The following PLEKHG3 variants were observed in gnomAD, a reference collection of about 807,000 sequenced individuals.
PLEKHG3 encodes the protein pleckstrin homology domain-containing family G member 3.
Under a neutral mutation model 94.9 loss-of-function variants are expected in PLEKHG3, and 62 were observed. The ratio of observed to expected loss-of-function variants is 0.65; its 90% CI spans 0.53 to 0.81. PLEKHG3 has a LOEUF of 0.81. Ranked by LOEUF, PLEKHG3 falls within the 30% of genes least tolerant of loss-of-function variation. PLEKHG3 has a pLI of 0.00. For synonymous variants in PLEKHG3, 614 were observed against 654.0 expected, an observed-to-expected ratio of 0.94 and a Z score of 0.93; for missense variants, 1,461 against 1,619.3, an observed-to-expected ratio of 0.90 and a Z score of 1.68.
Position 64,727,578 on chromosome 14 carries a change from T to C in PLEKHG3, c.-39-15T>C, listed in dbSNP as rs73273525. The stretch of plus-strand genomic sequence containing the variant: ...CATTCAGAGGTTGACCCTTCATCTG[T>C]CTGTCTTGTTGCAGAATCTCCCTGG... On this transcript the variant is annotated splice_polypyrimidine_tract_variant and intron_variant, in intron 1 of 16. Transcript: ENST00000247226. The surrounding 1 kb of genome is among the most constrained non-coding windows in gnomAD (Gnocchi z 6.0). 96 of 1,008,528 alleles carry C rather than the reference T, an allele frequency of 9.5e-5. No homozygotes were observed. In the African/African-American group the frequency reaches 1.3e-3, roughly 14 times the overall value. 62.5% of individuals were successfully genotyped at this position (1,008,528 alleles called of 1,614,324 possible). A position where few individuals can be genotyped will look rare whatever the true frequency, so the allele number is the denominator to read the frequency against.
rs1440163128 is a variant in PLEKHG3 at position 64,746,218 on chromosome 14, G to A, written c.*2515G>A. 1 of 152,220 alleles carries A rather than the reference G, an allele frequency of 6.6e-6. No individual in the cohort carries two copies. The highest frequency in any genetic ancestry group is 1.5e-5 in the Non-Finnish European group (1 of 68,032). 9.4% of individuals were successfully genotyped at this position (152,220 alleles called of 1,614,324 possible). ...CTGGCTGTCCCTCTGTCTCCATGGT[G>A]CCAGCCCTCTTAGGCTCAGTTCAAA... On this transcript the variant is annotated 3_prime_UTR_variant, in exon 17 of 17. Coordinates refer to ENST00000247226, the MANE Select transcript of PLEKHG3 (RefSeq NM_001308147.2). The surrounding 1 kb of genome is among the most constrained non-coding windows in gnomAD (Gnocchi z 4.9).
At position 64,741,967 on chromosome 14, in the gene PLEKHG3, T is replaced by G; in HGVS notation, c.2450T>G (p.Ile817Ser). ...CGCCCATCTTCAGAAATTGTGAAGA[T>G]CTGGGAGGGAATGGAGTCTTCCGGA... ...EFRPSSEIVK[I>S]WEGMESSGGS... The change falls in exon 16 of 17, where the codon ATC (isoleucine) becomes AGC (serine). Residue 817 changes from isoleucine to serine, a missense_variant. Physicochemically the swap from Ile to Ser is moderately radical, Grantham distance 142. Transcript: ENST00000247226. 1 of 1,577,062 alleles carries G rather than the reference T, an allele frequency of 6.3e-7. No individual in the cohort carries two copies. The highest frequency in any genetic ancestry group is 8.6e-7 in the Non-Finnish European group (1 of 1,163,350).
Position 64,723,567 on chromosome 14 carries a change from C to T in PLEKHG3, c.-39-4026C>T, listed in dbSNP as rs192571445. On this transcript the variant is annotated intron_variant, in intron 1 of 16. Coordinates refer to ENST00000247226, the MANE Select transcript of PLEKHG3 (RefSeq NM_001308147.2). This position sits in a 1 kb window ranked among gnomAD's most constrained non-coding sequence, Gnocchi z 4.5. ...CCAGGCTGGAGTACAGTGGCGCGAT[C>T]TCAGCTCACTGAAACATCTGCCTTC... is the stretch of plus-strand genomic sequence containing the variant. 1.2e-4 allele frequency among the ~76,000 whole-genome samples: 18 copies of T among 152,224 alleles called. 1 individual carries two copies. Among genetic ancestry groups the T allele is most frequent in the African/African-American group, 4.3e-4 (18 of 41,534 alleles).
At chr14:64,708,831 G>T (rs933318881) in intron 1 of PLEKHG3, among the ~76,000 whole-genome samples, 1 of 113,528 alleles carries the variant, frequency 8.8e-6, no homozygotes, top group Admixed American at 1.3e-4. Context: ...CACCCCCCAA[G>T]TATGTCGCTG....
In PLEKHG3 at chr14:64,749,749, G is replaced by A. The variant is rs2081914617; in HGVS notation, c.*6046G>A. 1 of 1,599,276 alleles carries A rather than the reference G, an allele frequency of 6.3e-7. No individual in the cohort carries two copies. Among genetic ancestry groups the A allele is most frequent in the African/African-American group, 1.3e-5 (1 of 74,448 alleles). On this transcript the variant is annotated 3_prime_UTR_variant, in exon 17 of 17. Transcript: ENST00000247226. This position sits in a 1 kb window ranked among gnomAD's most constrained non-coding sequence, Gnocchi z 4.7. ...GGAGACACCTCTGGAGGGGGCGCTG[G>A]GCAGAGGGCTGGCTCTGATCCCACA...
rs1247188579 is a variant in PLEKHG3, at chr14:64,747,907, T to A, written c.*4204T>A. 1.3e-5 allele frequency: 2 copies of A among 149,770 alleles called. No individual in the cohort carries two copies. Among genetic ancestry groups the A allele is most frequent in the Non-Finnish European group, 2.9e-5 (2 of 67,846 alleles). The allele number at this position is 149,770 out of a possible 1,614,324, so 9.3% of individuals were successfully genotyped here. On this transcript the variant is annotated 3_prime_UTR_variant, in exon 17 of 17. Transcript: ENST00000247226. ...TCGGAGTAGAGTGGTGGGGAAAATA[T>A]GGAATGAGCTTTCTCTTCCTCCAGA...
chr14:64,714,800 G>A (rs921767904), intron 1 of PLEKHG3, among the ~76,000 whole-genome samples: 10 of 152,092 alleles, frequency 6.6e-5, no homozygotes, highest in Non-Finnish European at 1.5e-4. Context: ...CCAGCACAGC[G>A]GCCCCCAAAA....
chr14:64,728,001 G>T lies in PLEKHG3; in HGVS notation c.351+19G>T. 6.9e-7 allele frequency: 1 copy of T among 1,442,060 alleles called. No homozygotes were observed. The allele number at this position is 1,442,060 out of a possible 1,614,324, so 89.3% of individuals were successfully genotyped here. On this transcript the variant is annotated intron_variant, in intron 2 of 16. Coordinates refer to ENST00000247226, the MANE Select transcript of PLEKHG3 (RefSeq NM_001308147.2). This position sits in a 1 kb window ranked among gnomAD's most constrained non-coding sequence, Gnocchi z 5.9. ...CGTGGAGGTGCGTGTCGGAGGCCTT[G>T]CGGCACAGTATTCTAGCAGAAGCCT...
At chr14:64,735,831 T>C (rs1027716762) in intron 12 of PLEKHG3, among the ~76,000 whole-genome samples, 4 of 152,262 alleles carry the variant, frequency 2.6e-5, no homozygotes, top group African/African-American at 9.6e-5. Context: ...TGTATTCTAT[T>C]GATAATTAAG....
intron 15 of PLEKHG3, among the ~76,000 whole-genome samples, chr14:64,740,511 T>C (rs751779932): frequency 3.3e-5 from 5 of 152,268 alleles, no homozygotes; most frequent in Non-Finnish European, 5.9e-5. Context: ...TGTTGCTCTC[T>C]AGACCCTAAT....
At chr14:64,710,379 G>A (rs1359780103) in intron 1 of PLEKHG3, among the ~76,000 whole-genome samples, 2 of 152,182 alleles carry the variant, frequency 1.3e-5, no homozygotes, top group African/African-American at 4.8e-5. Flanking sequence ...GCAAATGAAA[G>A]AGGATAAAGG....
In PLEKHG3 at chr14:64,720,213, C is replaced by A. The variant is rs1397638784; in HGVS notation, c.-39-7380C>A. 6.6e-6 allele frequency among the ~76,000 whole-genome samples: 1 copy of A among 152,236 alleles called. No homozygotes were observed. Among genetic ancestry groups the A allele is most frequent in the Non-Finnish European group, 1.5e-5 (1 of 68,042 alleles). On this transcript the variant is annotated intron_variant, in intron 1 of 16. Coordinates refer to ENST00000247226, the MANE Select transcript of PLEKHG3 (RefSeq NM_001308147.2). This position sits in a 1 kb window ranked among gnomAD's most constrained non-coding sequence, Gnocchi z 4.1. ...AACTTGGCTACTTTCCCCTTCCTCC[C>A]AGTCTCTTGTGGCTGGTCACCTAGT...
intron 1 of PLEKHG3, among the ~76,000 whole-genome samples, chr14:64,719,526 A>G (rs577308076): frequency 6.6e-6 from 1 of 152,130 alleles, no homozygotes; most frequent in South Asian, 2.1e-4. Context: ...AGCCAGGAAA[A>G]GTGGAGGGCC....
intron 15 of PLEKHG3, 101 bp from the exon 16 acceptor site, chr14:64,740,935 T>A (rs1161747910): frequency 1.1e-6 from 1 of 931,932 alleles, no homozygotes; most frequent in African/African-American, 1.7e-5. Context: ...AAACTACAGG[T>A]CCCTGTCATT....
At chr14:64,733,644 C>T (rs1379259079) in intron 12 of PLEKHG3, among the ~76,000 whole-genome samples, 4 of 152,246 alleles carry the variant, frequency 2.6e-5, no homozygotes, top group Admixed American at 6.5e-5. Flanking sequence ...AAGCAGGACC[C>T]GGGGAAAACG....
intron 1 of PLEKHG3, among the ~76,000 whole-genome samples, chr14:64,709,581 C>T (rs1180621641): frequency 6.6e-6 from 1 of 152,032 alleles, no homozygotes; most frequent in African/African-American, 2.4e-5. Context: ...CTGATTATTG[C>T]CAGAATCGGA....
In PLEKHG3 at chr14:64,731,939, A is replaced by G; in HGVS notation, c.1125+133A>G. On this transcript the variant is annotated intron_variant, in intron 9 of 16. Transcript: ENST00000247226. The surrounding 1 kb of genome is among the most constrained non-coding windows in gnomAD (Gnocchi z 6.1). ...CCATCTGTGAGGCAAGGATCATTGC[A>G]GGCACCTCTCAGGGTCAAAGTGAGG... The G allele has an allele frequency of 3.6e-6, 3 of 844,940 alleles. No homozygotes were observed. The highest frequency in any genetic ancestry group is 4.0e-6 in the Non-Finnish European group (2 of 505,830). 52.3% of individuals were successfully genotyped at this position (844,940 alleles called of 1,614,324 possible).
Position 64,749,146 on chromosome 14 carries a change from G to C in PLEKHG3, c.*5443G>C. The C allele has an allele frequency of 1.3e-6, 1 of 795,216 alleles. No homozygotes were observed. Among genetic ancestry groups the C allele is most frequent in the South Asian group, 1.8e-5 (1 of 56,528 alleles). 49.3% of individuals were successfully genotyped at this position (795,216 alleles called of 1,614,324 possible). A position where few individuals can be genotyped will look rare whatever the true frequency, so the allele number is the denominator to read the frequency against. On this transcript the variant is annotated 3_prime_UTR_variant, in exon 17 of 17. Transcript: ENST00000247226. The surrounding 1 kb of genome is among the most constrained non-coding windows in gnomAD (Gnocchi z 4.7). ...GAGGGGGCGTCGGCCCAGGACACGC[G>C]GGCGAAGGCAGCTTTTGCAGTGCAG...
Position 64,732,872 on chromosome 14 carries a change from C to G in PLEKHG3, c.1316C>G (p.Thr439Ser). ...TGGTCCTCCCAGGATGAGGTGTCCA[C>G]CAATGTGCGCCAGGGGCGCCGGCAA... ...KAWSSQDEVS[T>S]NVRQGRRQSE... Residue 439 changes from threonine (T) to serine (S), a missense_variant, in exon 12 of 17, where the codon ACC becomes AGC. Transcript: ENST00000247226. The surrounding 1 kb of genome is among the most constrained non-coding windows in gnomAD (Gnocchi z 4.9). 2 of 1,609,640 alleles carry G rather than the reference C, an allele frequency of 1.2e-6. No homozygotes were observed. The highest frequency in any genetic ancestry group is 1.7e-6 in the Non-Finnish European group (2 of 1,178,358).
Sources: gnomAD v4.1 joint callset for allele counts (sites outside exome capture counted in the v4.1 genomes callset) on GRCh38, gnomAD v4.1.1 for gene constraint, Gnocchi (gnomAD v3.1) non-coding constraint, MANE v1.5 for transcripts, NCBI Gene and HGNC (gene_info 2026-07-23, HGNC 2026-07-21) for gene names.